PHF14: variants seen among roughly 807,000 people sequenced by gnomAD.
PHF14 encodes the protein PHD finger protein 14.
Under a neutral mutation model 117.9 loss-of-function variants are expected in PHF14, and 55 were observed. The observed-to-expected ratio is 0.47, with a 90% confidence interval of 0.38 to 0.58. The LOEUF (loss-of-function observed/expected upper bound fraction) is 0.58, where lower values mean the gene tolerates loss of function less well. Ranked by LOEUF, PHF14 falls within the 20% of genes least tolerant of loss-of-function variation. PHF14 has a pLI of 0.00. For missense variants in PHF14, 978 were observed against 1,122.2 expected, an observed-to-expected ratio of 0.87 and a Z score of 1.84; for synonymous variants, 409 against 368.6, an observed-to-expected ratio of 1.11 and a Z score of -1.26.
At chr7:11,151,850 A>G (rs757816324) in intron 17 of PHF14, among the ~76,000 whole-genome samples, 3 of 152,310 alleles carry the variant, frequency 2.0e-5, no homozygotes, top group Non-Finnish European at 2.9e-5. Context: ...ATTTTAAGAC[A>G]TAAGAACAGT....
At chr7:10,976,142 G>A (rs1781855437) in intron 2 of PHF14, among the ~76,000 whole-genome samples, 1 of 152,160 alleles carries the variant, frequency 6.6e-6, no homozygotes, top group Non-Finnish European at 1.5e-5. Context: ...TATCTGCTTG[G>A]ATCCCAAGAG....
At chr7:11,143,316 T>C (rs764898637) in intron 17 of PHF14, among the ~76,000 whole-genome samples, 8 of 152,148 alleles carry the variant, frequency 5.3e-5, no homozygotes, top group Non-Finnish European at 8.8e-5. Flanking sequence ...TGACTAGGTC[T>C]CATTGTGTTG....
At chr7:11,142,027 T>A (rs1423992977) in intron 17 of PHF14, among the ~76,000 whole-genome samples, 1 of 152,062 alleles carries the variant, frequency 6.6e-6, no homozygotes, top group African/African-American at 2.4e-5. Context: ...ATAGCTTCAA[T>A]GCTTATTTTT....
intron 14 of PHF14, among the ~76,000 whole-genome samples, chr7:11,059,526 A>T (rs1785136597): frequency 6.6e-6 from 1 of 152,166 alleles, no homozygotes; most frequent in African/African-American, 2.4e-5. Flanking sequence ...CTGTAATCTG[A>T]GTACTTTGGG....
intron 17 of PHF14, among the ~76,000 whole-genome samples, chr7:11,141,114 G>A (rs1357164203): frequency 3.3e-5 from 5 of 152,052 alleles, no homozygotes; most frequent in African/African-American, 1.2e-4. Context: ...CCTCATCAGG[G>A]AATGAATTGG....
chr7:11,046,174 A>G (rs3779410), intron 13 of PHF14, among the ~76,000 whole-genome samples: 4,319 of 152,014 alleles, frequency 0.028, 172 homozygotes, highest in East Asian at 0.1. Flanking sequence ...TGTTATTTTG[A>G]TTTTTGTTGT....
Position 11,105,463 on chromosome 7 carries a change from A to G in PHF14, c.2655-5887A>G, listed in dbSNP as rs1333495728. 5.1e-6 allele frequency: 5 copies of G among 974,412 alleles called. No individual in the cohort carries two copies. The East Asian group carries it at 5.7e-4, about 111-fold the overall frequency. 60.4% of individuals were successfully genotyped at this position (974,412 alleles called of 1,614,324 possible). ...TATGAGAATATTTCATGACTATTTC[A>G]CCAAAATTTATTCAAGGAATTCAGA... is the stretch of plus-strand genomic sequence containing the variant. On this transcript the variant is annotated intron_variant, in intron 16 of 17. Transcript: ENST00000634607.
intron 16 of PHF14, chr7:11,104,135 T>A: frequency 3.0e-6 from 3 of 984,864 alleles, no homozygotes; most frequent in Non-Finnish European, 3.6e-6. Flanking sequence ...GAGAAACTCT[T>A]AGGCCTTGTT....
intron 16 of PHF14, among the ~76,000 whole-genome samples, chr7:11,089,397 A>T (rs1366143175): frequency 6.6e-6 from 1 of 152,152 alleles, no homozygotes. Context: ...GTTTCTCTAA[A>T]AGGTGAAATT....
chr7:11,120,899 A>G (rs544620061), intron 17 of PHF14, among the ~76,000 whole-genome samples: 11 of 152,278 alleles, frequency 7.2e-5, no homozygotes, highest in Admixed American at 4.6e-4. Flanking sequence ...TACTGACGAC[A>G]TATTTTAGTA....
At position 11,033,708 on chromosome 7, in the gene PHF14, G is replaced by A. The variant is rs1337875774; in HGVS notation, c.1456-1932G>A. Among the ~76,000 whole-genome samples the A allele has an allele frequency of 5.3e-4, 81 of 152,096 alleles. 3 individuals carry two copies. Among genetic ancestry groups the A allele is most frequent in the Admixed American group, 5.3e-3 (81 of 15,264 alleles). The stretch of plus-strand genomic sequence containing the variant: ...CCAAATGCTTAACTCACCTATGCAA[G>A]CATGAATCCTATCTCTAATGACTCA... On this transcript the variant is annotated intron_variant, in intron 7 of 17. Transcript: ENST00000634607.
intron 8 of PHF14, 123 bp downstream of exon 8, chr7:11,035,909 T>G: frequency 1.4e-6 from 1 of 728,710 alleles, no homozygotes; most frequent in Non-Finnish European, 2.3e-6. Flanking sequence ...ACCTAGGAAA[T>G]GGATTGTGAT....
In PHF14 at chr7:11,052,902, G is replaced by A. The variant is rs575819242; in HGVS notation, c.2481+1122G>A. On this transcript the variant is annotated intron_variant, in intron 14 of 17. Coordinates refer to ENST00000634607, the MANE Select transcript of PHF14 (RefSeq NM_001007157.2). ...TCATGTTTACCAGGTACCTTGAAGG[G>A]GCCTCTACCAACTTGAGAATATTTT... Among the ~76,000 whole-genome samples, 7 of 152,090 alleles carry A rather than the reference G, an allele frequency of 4.6e-5. No individual in the cohort carries two copies. The South Asian group carries it at 1.5e-3, about 32-fold the overall frequency.
chr7:11,090,032 A>G (rs1268617157), intron 16 of PHF14, among the ~76,000 whole-genome samples: 1 of 152,084 alleles, frequency 6.6e-6, no homozygotes, highest in African/African-American at 2.4e-5. Flanking sequence ...TAGCCTCCCA[A>G]AGTGCTGGGA....
At chr7:11,088,118 C>T (rs985957504) in intron 16 of PHF14, among the ~76,000 whole-genome samples, 1 of 152,140 alleles carries the variant, frequency 6.6e-6, no homozygotes, top group Non-Finnish European at 1.5e-5. Flanking sequence ...GCTCAAGTCC[C>T]TTATGTAAAA....
chr7:11,111,247 T>C (rs1787435119), intron 16 of PHF14, 103 bp from the exon 17 acceptor site: 2 of 507,244 alleles, frequency 3.9e-6, no homozygotes, highest in South Asian at 7.1e-5. Context: ...ATTAACAGTG[T>C]TGAAGTTGAA....
At chr7:11,035,337 C>T (rs183109449) in intron 7 of PHF14, among the ~76,000 whole-genome samples, 12 of 152,002 alleles carry the variant, frequency 7.9e-5, no homozygotes, top group African/African-American at 2.9e-4. Flanking sequence ...ACCAGTCCCC[C>T]ATGGATATTG....
At chr7:11,164,232 C>G (rs1355861125) in intron 17 of PHF14, among the ~76,000 whole-genome samples, 5 of 152,108 alleles carry the variant, frequency 3.3e-5, no homozygotes, top group African/African-American at 9.7e-5. Context: ...GACATCTTCT[C>G]TTTGTATTCA....
At chr7:11,118,004 C>T (rs550949203) in intron 17 of PHF14, among the ~76,000 whole-genome samples, 6 of 151,874 alleles carry the variant, frequency 4.0e-5, no homozygotes, top group Non-Finnish European at 5.9e-5. Context: ...ATGTATACCA[C>T]TCAGCTGTCT....
Sources: gnomAD v4.1 joint callset for allele counts (sites outside exome capture counted in the v4.1 genomes callset) on GRCh38, gnomAD v4.1.1 for gene constraint, MANE v1.5 for transcripts, NCBI Gene and HGNC (gene_info 2026-07-23, HGNC 2026-07-21) for gene names.